RBPMS: variants seen among roughly 807,000 people sequenced by gnomAD.
The protein encoded by RBPMS is RNA-binding protein with multiple splicing.
In RBPMS, 7 loss-of-function variants were observed where a neutral mutation model predicts 26.8. That is an observed-to-expected ratio of 0.26 (90% CI 0.15 to 0.49). The LOEUF is 0.49. RBPMS is among the 20% of genes least tolerant of loss of function. The probability of loss-of-function intolerance (pLI) is 0.98; values close to 1 mark genes in which losing one functional copy is unlikely to be tolerated. For synonymous variants in RBPMS, 96 were observed against 93.3 expected, an observed-to-expected ratio of 1.03 and a Z score of -0.17; for missense variants, 186 against 250.0, an observed-to-expected ratio of 0.74 and a Z score of 1.73.
chr8:30,451,605 G>T (rs1814598122), intron 1 of RBPMS, among the ~76,000 whole-genome samples: 1 of 152,170 alleles, frequency 6.6e-6, no homozygotes, highest in Non-Finnish European at 1.5e-5. Flanking sequence ...GTGTGAATGA[G>T]GCTAGTGTCT....
At chr8:30,446,982 C>T (rs4733487) in intron 1 of RBPMS, 37,591 of 151,986 alleles carry the variant, frequency 0.25, 5,019 homozygotes, top group East Asian at 0.42. Context: ...TGCTCTACTT[C>T]CCACAGTCAT....
At chr8:30,548,921 C>A (rs1019112780) in intron 6 of RBPMS, among the ~76,000 whole-genome samples, 2 of 152,210 alleles carry the variant, frequency 1.3e-5, no homozygotes, top group East Asian at 1.9e-4. Context: ...GCTTTGGTGT[C>A]GGGTATGTTT....
chr8:30,487,845 C>A (rs1818957589), intron 4 of RBPMS, among the ~76,000 whole-genome samples: 1 of 151,988 alleles, frequency 6.6e-6, no homozygotes, highest in Non-Finnish European at 1.5e-5. Flanking sequence ...ACTAAAACTT[C>A]TTTTCTAAAA....
At chr8:30,437,024 G>A (rs777144050) in intron 1 of RBPMS, among the ~76,000 whole-genome samples, 27 of 150,454 alleles carry the variant, frequency 1.8e-4, no homozygotes, top group Middle Eastern at 3.4e-3. Flanking sequence ...CTGGGTTCAC[G>A]CCATTCTTCT....
At chr8:30,553,857 A>G (rs1170882610) in intron 6 of RBPMS, 2 of 151,974 alleles carry the variant, frequency 1.3e-5, no homozygotes, top group African/African-American at 4.8e-5. Context: ...GCTCACTGCA[A>G]CCTCCACCTC....
chr8:30,497,192 G>A (rs1416359692), intron 4 of RBPMS, among the ~76,000 whole-genome samples: 1 of 152,134 alleles, frequency 6.6e-6, no homozygotes, highest in Non-Finnish European at 1.5e-5. Flanking sequence ...CTTTTCTCCT[G>A]TTGAAAGATT....
intron 5 of RBPMS, among the ~76,000 whole-genome samples, chr8:30,510,609 G>A (rs1020346309): frequency 6.6e-6 from 1 of 151,894 alleles, no homozygotes; most frequent in East Asian, 1.9e-4. Context: ...GATTGGCAGG[G>A]TTTGGCTCTG....
At chr8:30,413,956 G>A (rs142909962) in intron 1 of RBPMS, among the ~76,000 whole-genome samples, 2,220 of 152,258 alleles carry the variant, frequency 0.015, 54 homozygotes, top group African/African-American at 0.051. Context: ...TGTCCAGGCT[G>A]GTCTTGAACT....
intron 4 of RBPMS, among the ~76,000 whole-genome samples, chr8:30,497,408 G>A (rs1820076382): frequency 2.6e-5 from 4 of 152,062 alleles, no homozygotes; most frequent in African/African-American, 7.2e-5. Context: ...GCTGGGCATG[G>A]TAATGCACAC....
At chr8:30,386,652 AT>A (rs1807129840) in intron 1 of RBPMS, among the ~76,000 whole-genome samples, 1 of 151,736 alleles carries the variant, frequency 6.6e-6, no homozygotes, top group South Asian at 2.1e-4. Context: ...TTTGCTATTT[AT>A]TTTCCCTACC....
chr8:30,544,245 G>A (rs1161406311), intron 5 of RBPMS, among the ~76,000 whole-genome samples: 1 of 152,202 alleles, frequency 6.6e-6, no homozygotes, highest in Non-Finnish European at 1.5e-5. Flanking sequence ...TGTTCAAGGC[G>A]GAGTCCAGGC....
Position 30,411,386 on chromosome 8 carries a change from C to T in RBPMS, c.66+26228C>T, listed in dbSNP as rs563984960. Reference sequence around the variant, plus strand: ...AAAATTGAGAAATTTCCCTCTTGGCCGGGCATGGTGGCTCACGCCTGTAAT... The same window carrying T: ...AAAATTGAGAAATTTCCCTCTTGGCTGGGCATGGTGGCTCACGCCTGTAAT... On this transcript the variant is annotated intron_variant, in intron 1 of 8. Coordinates refer to ENST00000397323, the MANE Select transcript of RBPMS (RefSeq NM_001008710.3). Among the ~76,000 whole-genome samples, 19 of 152,098 alleles carry T rather than the reference C, an allele frequency of 1.2e-4. No homozygotes were observed. The East Asian group carries it at 2.5e-3, about 20-fold the overall frequency.
intron 6 of RBPMS, chr8:30,556,407 G>A: frequency 1.0e-6 from 1 of 985,856 alleles, no homozygotes; most frequent in South Asian, 4.7e-5. Flanking sequence ...GTGTGCGAGA[G>A]CTGGTCAGAG....
intron 4 of RBPMS, among the ~76,000 whole-genome samples, chr8:30,486,085 G>T (rs190912880): frequency 1.3e-5 from 2 of 152,266 alleles, no homozygotes; most frequent in Non-Finnish European, 2.9e-5. Flanking sequence ...AGTGGCTCAC[G>T]ACTGTAAGCC....
chr8:30,519,845 G>A (rs952302195), intron 5 of RBPMS, among the ~76,000 whole-genome samples: 40 of 151,972 alleles, frequency 2.6e-4, no homozygotes, highest in African/African-American at 9.2e-4. Flanking sequence ...CAGCCTTCCT[G>A]GGAAAAGATT....
intron 1 of RBPMS, among the ~76,000 whole-genome samples, chr8:30,426,512 T>C (rs1012680234): frequency 3.9e-5 from 6 of 152,142 alleles, no homozygotes; most frequent in African/African-American, 9.7e-5. Flanking sequence ...GGGTCCTGAA[T>C]AGGTAGCAGG....
At chr8:30,506,336 T>TAAA (rs34344286) in intron 5 of RBPMS, among the ~76,000 whole-genome samples, 5 of 132,108 alleles carry the variant, frequency 3.8e-5, no homozygotes, top group Non-Finnish European at 7.9e-5. Context: ...ATTTGAAGTT[T>TAAA]AAAAAAAAAA....
intron 1 of RBPMS, among the ~76,000 whole-genome samples, chr8:30,410,692 AACTG>A (rs1563292005): frequency 6.6e-6 from 1 of 151,000 alleles, no homozygotes; most frequent in African/African-American, 2.4e-5. Flanking sequence ...ATTATTTGAT[AACTG>A]ACATTGAAAT....
chr8:30,500,519 G>A (rs892361006), intron 4 of RBPMS, among the ~76,000 whole-genome samples: 2 of 152,086 alleles, frequency 1.3e-5, no homozygotes, highest in Non-Finnish European at 2.9e-5. Flanking sequence ...AACACTGGGA[G>A]CCTGAAGCTA....
Sources: allele counts gnomAD v4.1 joint callset (sites outside exome capture counted in the v4.1 genomes callset), GRCh38; gene constraint gnomAD v4.1.1; transcripts MANE v1.5; gene names NCBI Gene and HGNC (gene_info 2026-07-23, HGNC 2026-07-21).